GLDC: variants seen among roughly 807,000 people sequenced by gnomAD.
The protein encoded by GLDC is glycine decarboxylase.
In GLDC, 104 loss-of-function variants were observed where a neutral mutation model predicts 121.3. The observed-to-expected ratio is 0.86, with a 90% confidence interval of 0.73 to 1.01. The LOEUF (loss-of-function observed/expected upper bound fraction) is 1.01, where lower values mean the gene tolerates loss of function less well. Among genes scored for constraint, GLDC ranks in the 50% least tolerant of loss-of-function variants. GLDC has a pLI of 0.00. For synonymous variants in GLDC, 546 were observed against 480.6 expected, an observed-to-expected ratio of 1.14 and a Z score of -1.78; for missense variants, 1,429 against 1,306.6, an observed-to-expected ratio of 1.09 and a Z score of -1.44.
chr9:6,600,192 C>T (rs565530834), intron 8 of GLDC, among the ~76,000 whole-genome samples: 3 of 152,158 alleles, frequency 2.0e-5, no homozygotes, highest in East Asian at 3.9e-4. Flanking sequence ...AGTGAGACCT[C>T]GCCTCTACAA....
chr9:6,595,213 C>T (rs981800559), intron 8 of GLDC, 94 bp from the exon 9 acceptor site: 15 of 850,150 alleles, frequency 1.8e-5, no homozygotes, highest in South Asian at 7.9e-5. Flanking sequence ...CTGAAGACAG[C>T]GACAAAACAA....
At chr9:6,631,530 G>C (rs1036762460) in intron 2 of GLDC, among the ~76,000 whole-genome samples, 1 of 152,184 alleles carries the variant, frequency 6.6e-6, no homozygotes, top group Non-Finnish European at 1.5e-5. Context: ...GTTAAGAAAT[G>C]TACAGAGAAA....
At chr9:6,570,996 T>C (rs1443879100) in intron 15 of GLDC, among the ~76,000 whole-genome samples, 1 of 152,112 alleles carries the variant, frequency 6.6e-6, no homozygotes, top group East Asian at 1.9e-4. Flanking sequence ...ATTTGTTCCC[T>C]TCAACTACCT....
At chr9:6,642,441 G>A (rs1289139727) in intron 2 of GLDC, among the ~76,000 whole-genome samples, 4 of 152,174 alleles carry the variant, frequency 2.6e-5, no homozygotes, top group Non-Finnish European at 5.9e-5. Flanking sequence ...TGAGGCAGGA[G>A]AATGGCTTGA....
At position 6,631,135 on chromosome 9, in the gene GLDC, C is replaced by T. The variant is rs555440183; in HGVS notation, c.335-10816G>A. On this transcript the variant is annotated intron_variant, in intron 2 of 24. Transcript: ENST00000321612. ...AGCGGCACGCAGGCCCAACCTGGGG[C>T]TCTGAGTCTCCTTGCTCTAAGCCTG... Among the ~76,000 whole-genome samples, 13 of 152,354 alleles carry T rather than the reference C, an allele frequency of 8.5e-5. 1 individual carries two copies. The South Asian group carries it at 2.7e-3, about 32-fold the overall frequency.
intron 5 of GLDC, chr9:6,605,509 T>G (rs1268919637): frequency 3.5e-6 from 2 of 576,716 alleles, no homozygotes; most frequent in South Asian, 1.9e-5. Context: ...GACTCCCCTT[T>G]GCCCTTTCCT....
At chr9:6,623,597 C>G (rs1002627290) in intron 2 of GLDC, among the ~76,000 whole-genome samples, 1 of 150,900 alleles carries the variant, frequency 6.6e-6, no homozygotes, top group African/African-American at 2.4e-5. Context: ...GAGAGAAACA[C>G]CCAAGAATGA....
At chr9:6,544,084 C>T (rs1817332910) in intron 21 of GLDC, among the ~76,000 whole-genome samples, 1 of 152,160 alleles carries the variant, frequency 6.6e-6, no homozygotes, top group South Asian at 2.1e-4. Flanking sequence ...AAGGCGGCTG[C>T]TGAGGAATAA....
chr9:6,562,623 G>C (rs373497608), intron 16 of GLDC, among the ~76,000 whole-genome samples: 1 of 152,080 alleles, frequency 6.6e-6, no homozygotes, highest in East Asian at 1.9e-4. Flanking sequence ...GCAGTGGTGC[G>C]ATCTCAGCTC....
chr9:6,607,518 G>T (rs1289364393), intron 4 of GLDC, among the ~76,000 whole-genome samples: 2 of 152,058 alleles, frequency 1.3e-5, no homozygotes, highest in Admixed American at 6.5e-5. Context: ...GGAGGCAGAG[G>T]TTGCAGTGAG....
chr9:6,614,757 G>A (rs534937202), intron 3 of GLDC, among the ~76,000 whole-genome samples: 39 of 152,134 alleles, frequency 2.6e-4, no homozygotes, highest in Middle Eastern at 3.4e-3. Context: ...TACATCGTTA[G>A]GTGATTTAGT....
At chr9:6,632,905 C>T (rs749326149) in intron 2 of GLDC, among the ~76,000 whole-genome samples, 6 of 152,174 alleles carry the variant, frequency 3.9e-5, no homozygotes, top group South Asian at 4.1e-4. Flanking sequence ...TACAAATTCC[C>T]GCTATTCAAT....
At chr9:6,633,163 C>G (rs1587981489) in intron 2 of GLDC, among the ~76,000 whole-genome samples, 1 of 152,204 alleles carries the variant, frequency 6.6e-6, no homozygotes, top group African/African-American at 2.4e-5. Context: ...ACTTTCTTCC[C>G]TCTTCTGCCT....
At position 6,545,125 on chromosome 9, in the gene GLDC, C is replaced by T. The variant is rs184757529; in HGVS notation, c.2570-4979G>A. On this transcript the variant is annotated intron_variant, in intron 21 of 24. Transcript: ENST00000321612. ...AAAAAAAAGAAAAAAAAAAAAGTATCATCTTACCTGAGGTAATTCCTTTCT... is the reference window on the plus strand; with the variant it reads ...AAAAAAAAGAAAAAAAAAAAAGTATTATCTTACCTGAGGTAATTCCTTTCT... 1.3e-4 allele frequency among the ~76,000 whole-genome samples: 20 copies of T among 151,462 alleles called. No individual in the cohort carries two copies. The East Asian group carries it at 3.7e-3, about 28-fold the overall frequency.
chr9:6,601,785 C>T (rs753890780), intron 8 of GLDC, among the ~76,000 whole-genome samples: 9 of 152,034 alleles, frequency 5.9e-5, no homozygotes, highest in Non-Finnish European at 1.2e-4. Context: ...CCACCACTGA[C>T]GGCTAATTTA....
At chr9:6,621,419 T>A (rs1819091248) in intron 2 of GLDC, among the ~76,000 whole-genome samples, 1 of 152,182 alleles carries the variant, frequency 6.6e-6, no homozygotes, top group African/African-American at 2.4e-5. Flanking sequence ...TTGGCTGAGG[T>A]CACACGACTT....
intron 4 of GLDC, among the ~76,000 whole-genome samples, chr9:6,608,803 A>AT (rs1228594457): frequency 2.6e-5 from 4 of 151,980 alleles, no homozygotes; most frequent in African/African-American, 9.7e-5. Context: ...ATAAAAAGCA[A>AT]TTTTTTAAAA....
chr9:6,610,899 G>C (rs182428078), intron 3 of GLDC, among the ~76,000 whole-genome samples: 21 of 152,300 alleles, frequency 1.4e-4, no homozygotes, highest in Admixed American at 1.2e-3. Flanking sequence ...TGCACTTGAG[G>C]CTACCTATAA....
At chr9:6,621,717 C>G (rs1002993426) in intron 2 of GLDC, among the ~76,000 whole-genome samples, 1 of 152,152 alleles carries the variant, frequency 6.6e-6, no homozygotes, top group Non-Finnish European at 1.5e-5. Context: ...GGGGTTTCAC[C>G]ATATTGGCTA....
Sources: gnomAD v4.1 joint callset for allele counts (sites outside exome capture counted in the v4.1 genomes callset) on GRCh38, gnomAD v4.1.1 for gene constraint, MANE v1.5 for transcripts, NCBI Gene and HGNC (gene_info 2026-07-23, HGNC 2026-07-21) for gene names.